The following MYO5B variants were observed in gnomAD, a reference collection of about 807,000 sequenced individuals.
MYO5B encodes unconventional myosin-Vb.
Under a neutral mutation model 229.3 loss-of-function variants are expected in MYO5B, and 143 were observed. The observed-to-expected ratio is 0.62, with a 90% CI of 0.54 to 0.72. The LOEUF is 0.72. Among genes scored for constraint, MYO5B ranks in the 30% least tolerant of loss-of-function variants. The pLI, the probability that MYO5B is intolerant of heterozygous loss-of-function variation, is 0.00. For missense variants in MYO5B, 2,321 were observed against 2,331.0 expected, an observed-to-expected ratio of 1.00 and a Z score of 0.09; for synonymous variants, 918 against 885.2, an observed-to-expected ratio of 1.04 and a Z score of -0.66.
At chr18:50,089,367 G>A (rs1369546218) in intron 1 of MYO5B, among the ~76,000 whole-genome samples, 1 of 152,002 alleles carries the variant, frequency 6.6e-6, no homozygotes, top group Non-Finnish European at 1.5e-5. Context: ...GACAGAGCAA[G>A]ACTCCGTCTC....
intron 1 of MYO5B, among the ~76,000 whole-genome samples, chr18:50,068,969 C>G (rs568326072): frequency 6.6e-6 from 1 of 152,220 alleles, no homozygotes; most frequent in East Asian, 1.9e-4. Flanking sequence ...ACAGATAGGC[C>G]TCTCTCTAAT....
chr18:49,976,250 A>G lies in MYO5B; in HGVS notation c.1057-1635T>C, dbSNP rs374894640. Among the ~76,000 whole-genome samples the G allele has an allele frequency of 2.4e-4, 37 of 152,332 alleles. No homozygotes were observed. The South Asian group carries it at 7.7e-3, about 32-fold the overall frequency. On this transcript the variant is annotated intron_variant, in intron 9 of 39. Transcript: ENST00000285039. ...AGGATTTAAATGAGGGCTTAATGAA[A>G]ATTAACACAGATAACTGTATTATTT...
At chr18:49,958,115 A>C (rs1272003332) in intron 12 of MYO5B, among the ~76,000 whole-genome samples, 5 of 152,132 alleles carry the variant, frequency 3.3e-5, no homozygotes, top group Admixed American at 2.6e-4. Flanking sequence ...CTCCTTACCC[A>C]TACCTGGGTG....
chr18:49,928,542 A>G (rs141966996), intron 17 of MYO5B, among the ~76,000 whole-genome samples: 1,811 of 152,284 alleles, frequency 0.012, 29 homozygotes, highest in African/African-American at 0.04. Context: ...TACACAGGAG[A>G]CTAAGGCAGA....
chr18:50,038,644 A>T (rs1232852995), intron 3 of MYO5B, among the ~76,000 whole-genome samples: 1 of 152,208 alleles, frequency 6.6e-6, no homozygotes, highest in Non-Finnish European at 1.5e-5. Context: ...CCTCCAGAGC[A>T]GCATCTAGTG....
At chr18:50,118,477 T>G (rs1296168444) in intron 1 of MYO5B, among the ~76,000 whole-genome samples, 1 of 152,222 alleles carries the variant, frequency 6.6e-6, no homozygotes, top group Non-Finnish European at 1.5e-5. Flanking sequence ...CTGAAGGGCT[T>G]AACTACAGCA....
rs1410135954 is a variant in MYO5B at position 49,984,628 on chromosome 18, G to C, written c.946+90C>G. 5 of 996,634 alleles carry C rather than the reference G, an allele frequency of 5.0e-6. No homozygotes were observed. The Admixed American group carries it at 6.8e-5, about 14-fold the overall frequency. The allele number at this position is 996,634 out of a possible 1,614,324, so 61.7% of individuals were successfully genotyped here. ...CATCTCCCATTAGCTCCTGCAGGTTGCTGGCAAGCACAGTGGGACATCGCC... is the reference window on the plus strand; with the variant it reads ...CATCTCCCATTAGCTCCTGCAGGTTCCTGGCAAGCACAGTGGGACATCGCC... On this transcript the variant is annotated intron_variant, in intron 8 of 39. Transcript: ENST00000285039.
Position 49,913,001 on chromosome 18 carries a change from A to C in MYO5B, c.2091-828T>G, listed in dbSNP as rs201248267. Among the ~76,000 whole-genome samples the C allele has an allele frequency of 5.9e-5, 9 of 152,364 alleles. No individual in the cohort carries two copies. In the East Asian group the frequency reaches 1.2e-3, roughly 20 times the overall value. ...AACCCCTGGAGAGATAACATGGTTT[A>C]TGTTTTAATCAGTATAGAAGGAACC... On this transcript the variant is annotated intron_variant, in intron 17 of 39. Transcript: ENST00000285039.
chr18:50,056,768 T>TA (rs930741279), intron 1 of MYO5B, among the ~76,000 whole-genome samples: 2 of 150,458 alleles, frequency 1.3e-5, no homozygotes, highest in African/African-American at 2.4e-5. Flanking sequence ...TTTTTTTTTT[T>TA]AAAGCAAGAT....
In MYO5B at chr18:49,864,341, C is replaced by A. The variant is rs907136453; in HGVS notation, c.3643G>T (p.Asp1215Tyr). ...LESENKKLKN[D>Y]LNELRKAVAD... ...ACGGCTTTCCTCAGCTCATTCAGGTCATTCTTCAGCTTTTTGTTCTCTGAC... is the reference window on the plus strand; with the variant it reads ...ACGGCTTTCCTCAGCTCATTCAGGTAATTCTTCAGCTTTTTGTTCTCTGAC... The change falls in exon 28 of 40, where the codon GAC (aspartate) becomes TAC (tyrosine). Residue 1215 changes from aspartate to tyrosine, a missense_variant. This residue lies in a region of MYO5B where 2,113 missense variants were observed against 2,044.7 expected (regional missense o/e 1.03). Transcript: ENST00000285039. 8 of 1,613,974 alleles carry A rather than the reference C, an allele frequency of 5.0e-6. No homozygotes were observed. Among genetic ancestry groups the A allele is most frequent in the South Asian group, 3.3e-5 (3 of 91,004 alleles).
At chr18:50,002,966 A>T (rs767632723) in intron 4 of MYO5B, among the ~76,000 whole-genome samples, 8 of 152,182 alleles carry the variant, frequency 5.3e-5, no homozygotes, top group Non-Finnish European at 8.8e-5. Context: ...GCCATAGCTT[A>T]TCAGCACAGG....
At chr18:49,901,631 G>A (rs2024842409) in intron 21 of MYO5B, among the ~76,000 whole-genome samples, 2 of 152,334 alleles carry the variant, frequency 1.3e-5, no homozygotes, top group Admixed American at 6.5e-5. Flanking sequence ...GAGGTTCAGA[G>A]TAGTCACATC....
chr18:50,035,647 G>A (rs2026440259), intron 4 of MYO5B, among the ~76,000 whole-genome samples: 1 of 152,180 alleles, frequency 6.6e-6, no homozygotes, highest in Non-Finnish European at 1.5e-5. Context: ...ACATCAATGA[G>A]TTGCCAAGCT....
chr18:50,002,130 T>C (rs182400968), intron 4 of MYO5B, among the ~76,000 whole-genome samples: 1 of 152,272 alleles, frequency 6.6e-6, no homozygotes, highest in Admixed American at 6.5e-5. Context: ...ACTGTATACA[T>C]TACAATTTCT....
intron 1 of MYO5B, among the ~76,000 whole-genome samples, chr18:50,103,124 T>C (rs2031687090): frequency 6.6e-6 from 1 of 152,256 alleles, no homozygotes; most frequent in African/African-American, 2.4e-5. Flanking sequence ...CCAGCTCCTG[T>C]GGTTAACTAG....
Position 49,825,805 on chromosome 18 carries a change from C to T in MYO5B, c.*666G>A, listed in dbSNP as rs117918775. 36 of 153,270 alleles carry T rather than the reference C, an allele frequency of 2.3e-4. No individual in the cohort carries two copies. Among genetic ancestry groups the T allele is most frequent in the Non-Finnish European group, 3.9e-4 (27 of 68,464 alleles). 9.5% of individuals were successfully genotyped at this position (153,270 alleles called of 1,614,324 possible). A position where few individuals can be genotyped will look rare whatever the true frequency, so the allele number is the denominator to read the frequency against. On this transcript the variant is annotated 3_prime_UTR_variant, in exon 40 of 40. Coordinates refer to ENST00000285039, the MANE Select transcript of MYO5B (RefSeq NM_001080467.3). ...CCATTAAATCAAGATAACACAAAAG[C>T]GTTTGAGCACACTGAGGACTGGCAC...
At chr18:50,007,409 C>A (rs1268926657) in intron 4 of MYO5B, among the ~76,000 whole-genome samples, 1 of 152,186 alleles carries the variant, frequency 6.6e-6, no homozygotes, top group Non-Finnish European at 1.5e-5. Context: ...ATTACAATAG[C>A]AGCTTTCCAG....
chr18:49,934,707 A>G (rs1240358310), intron 16 of MYO5B, among the ~76,000 whole-genome samples: 1 of 152,180 alleles, frequency 6.6e-6, no homozygotes, highest in African/African-American at 2.4e-5. Flanking sequence ...ATTCCTAAGC[A>G]TGTCTCAGAG....
At chr18:49,952,064 T>G (rs1234307226) in intron 14 of MYO5B, among the ~76,000 whole-genome samples, 2 of 152,212 alleles carry the variant, frequency 1.3e-5, no homozygotes, top group Admixed American at 1.3e-4. Context: ...GAGATCACAC[T>G]GGGCAGGGGT....
Sources: gnomAD v4.1 joint callset for allele counts (sites outside exome capture counted in the v4.1 genomes callset) on GRCh38, gnomAD v4.1.1 for gene constraint, gnomAD v4.1.1 regional missense constraint, MANE v1.5 for transcripts, NCBI Gene and HGNC (gene_info 2026-07-23, HGNC 2026-07-21) for gene names.